Variants in EPHB2 observed in about 807,000 individuals in gnomAD.
EPHB2 encodes the protein ephrin type-B receptor 2.
EPHB2 carries 18 observed loss-of-function variants against 96.4 expected under a neutral mutation model. That is an observed-to-expected ratio of 0.19 (90% CI 0.13 to 0.28). The LOEUF (loss-of-function observed/expected upper bound fraction) is 0.28, where lower values mean the gene tolerates loss of function less well. Ranked by LOEUF, EPHB2 falls within the 10% of genes least tolerant of loss-of-function variation. EPHB2 has a pLI of 1.00. For missense variants in EPHB2, 989 were observed against 1,355.4 expected, an observed-to-expected ratio of 0.73 and a Z score of 4.25; for synonymous variants, 506 against 534.1, an observed-to-expected ratio of 0.95 and a Z score of 0.72.
chr1:22,749,718 G>A (rs1425349703), intron 1 of EPHB2, among the ~76,000 whole-genome samples: 1 of 152,144 alleles, frequency 6.6e-6, no homozygotes, highest in Non-Finnish European at 1.5e-5. Flanking sequence ...GTCTACCGGA[G>A]CCATTCATTC....
Position 22,910,543 on chromosome 1 carries a change from C to A in EPHB2, c.2664C>A (p.Asn888Lys). 1 of 1,614,214 alleles carries A rather than the reference C, an allele frequency of 6.2e-7. No homozygotes were observed. The highest frequency in any genetic ancestry group is 1.1e-5 in the South Asian group (1 of 91,086). The change falls in exon 14 of 16, where the codon AAC (asparagine) becomes AAA (lysine). Residue 888 changes from asparagine to lysine, a missense_variant. Coordinates refer to ENST00000374630, the MANE Select transcript of EPHB2 (RefSeq NM_017449.5). ...TAGACAAGATGATCCGCAATCCCAA[C>A]AGCCTCAAAGCCATGGCGCCCCTCT... The part of the protein sequence containing the change: ...NTLDKMIRNP[N>K]SLKAMAPLSS...
intron 1 of EPHB2, among the ~76,000 whole-genome samples, chr1:22,754,664 G>A (rs142806902): frequency 1.9e-3 from 294 of 151,026 alleles, no homozygotes; most frequent in Non-Finnish European, 3.4e-3. Context: ...ACTGCCACCC[G>A]CCCTCTCTTG....
chr1:22,734,730 A>G (rs1319362869), intron 1 of EPHB2, among the ~76,000 whole-genome samples: 1 of 152,118 alleles, frequency 6.6e-6, no homozygotes, highest in Non-Finnish European at 1.5e-5. Context: ...CCTGAATGTC[A>G]GTATTATTTT....
At chr1:22,838,085 A>G (rs1315939839) in intron 3 of EPHB2, among the ~76,000 whole-genome samples, 5 of 152,182 alleles carry the variant, frequency 3.3e-5, no homozygotes, top group African/African-American at 1.2e-4. Flanking sequence ...CTAGTTAGTA[A>G]GGGGCAGATA....
In EPHB2 at chr1:22,781,380, G is replaced by A. The variant is rs1458101630; in HGVS notation, c.62-41G>A. 1.9e-6 allele frequency: 3 copies of A among 1,596,482 alleles called. No homozygotes were observed. In the Admixed American group the frequency reaches 5.0e-5, roughly 27 times the overall value. On this transcript the variant is annotated intron_variant, in intron 1 of 15. Transcript: ENST00000374630. ...CCCAACAGAAAGATTGACAGCGCCTGGTAGGTGGGGCGGGGTGGTGACTCT... is the reference window on the plus strand; with the variant it reads ...CCCAACAGAAAGATTGACAGCGCCTAGTAGGTGGGGCGGGGTGGTGACTCT...
intron 3 of EPHB2, among the ~76,000 whole-genome samples, chr1:22,857,919 C>CT (rs1281359379): frequency 1.3e-5 from 2 of 152,148 alleles, no homozygotes; most frequent in Admixed American, 1.3e-4. Context: ...TTTCCAGGTA[C>CT]TTTCAGTGCA....
chr1:22,802,605 A>T (rs887529555), intron 3 of EPHB2, among the ~76,000 whole-genome samples: 2 of 152,054 alleles, frequency 1.3e-5, no homozygotes, highest in African/African-American at 4.8e-5. Context: ...GCTCGAGGAC[A>T]CAAGGGTAGT....
intron 3 of EPHB2, among the ~76,000 whole-genome samples, chr1:22,829,289 C>T (rs957406650): frequency 6.6e-6 from 1 of 152,246 alleles, no homozygotes; most frequent in South Asian, 2.1e-4. Context: ...GGCCCCTCCC[C>T]ACCCCTAGCA....
intron 5 of EPHB2, among the ~76,000 whole-genome samples, chr1:22,876,724 C>T (rs1031843001): frequency 2.0e-5 from 3 of 152,284 alleles, no homozygotes; most frequent in South Asian, 2.1e-4. Flanking sequence ...CCAGGGTGGG[C>T]GGTGGGCAGC....
chr1:22,810,196 G>A (rs1397717066), intron 3 of EPHB2, among the ~76,000 whole-genome samples: 1 of 152,184 alleles, frequency 6.6e-6, no homozygotes, highest in Admixed American at 6.5e-5. Context: ...CACCAGCCAA[G>A]AAGAGACACA....
At position 22,745,818 on chromosome 1, in the gene EPHB2, G is replaced by A. The variant is rs576007749; in HGVS notation, c.61+34775G>A. On this transcript the variant is annotated intron_variant, in intron 1 of 15. Transcript: ENST00000374630. ...CCTTGGATGATCGGCAGCTGTGAGC[G>A]CAGCGGGGCCTGGCGTCTGCCCACA... Among the ~76,000 whole-genome samples, 230 of 152,254 alleles carry A rather than the reference G, an allele frequency of 1.5e-3. 1 individual carries two copies. Among genetic ancestry groups the A allele is most frequent in the African/African-American group, 5.1e-3 (212 of 41,542 alleles).
At chr1:22,805,748 T>C (rs1295698398) in intron 3 of EPHB2, among the ~76,000 whole-genome samples, 2 of 150,764 alleles carry the variant, frequency 1.3e-5, no homozygotes, top group African/African-American at 4.9e-5. Flanking sequence ...GAGAGAGAGA[T>C]TGGGAGGGAG....
intron 9 of EPHB2, among the ~76,000 whole-genome samples, chr1:22,905,557 TG>T (rs1246051074): frequency 1.3e-5 from 2 of 152,204 alleles, no homozygotes; most frequent in East Asian, 3.8e-4. Flanking sequence ...TATTGCCTGC[TG>T]TTTCTGTATT....
chr1:22,829,593 G>C (rs1347452465), intron 3 of EPHB2, among the ~76,000 whole-genome samples: 1 of 152,204 alleles, frequency 6.6e-6, no homozygotes, highest in African/African-American at 2.4e-5. Context: ...TCTGTCAGTT[G>C]TCATTTTCAG....
intron 1 of EPHB2, among the ~76,000 whole-genome samples, chr1:22,753,069 C>CT (rs1644089521): frequency 6.7e-6 from 1 of 150,250 alleles, no homozygotes; most frequent in South Asian, 2.1e-4. Context: ...GCATGAACCA[C>CT]TACACCTGGC....
chr1:22,737,818 G>A (rs1643863126), intron 1 of EPHB2, among the ~76,000 whole-genome samples: 1 of 152,178 alleles, frequency 6.6e-6, no homozygotes, highest in South Asian at 2.1e-4. Flanking sequence ...GTCTGCCCAT[G>A]AAAATAACTT....
chr1:22,785,482 C>T (rs2148426337), intron 3 of EPHB2, among the ~76,000 whole-genome samples: 1 of 152,322 alleles, frequency 6.6e-6, no homozygotes, highest in African/African-American at 2.4e-5. Context: ...TTTACTCTGT[C>T]AGTATAGACC....
intron 1 of EPHB2, among the ~76,000 whole-genome samples, chr1:22,730,777 C>A (rs1437598767): frequency 6.6e-6 from 1 of 152,080 alleles, no homozygotes; most frequent in Non-Finnish European, 1.5e-5. Context: ...CCAGCCATGG[C>A]AGGACTTTGG....
intron 3 of EPHB2, among the ~76,000 whole-genome samples, chr1:22,826,757 A>G (rs1425624870): frequency 1.3e-5 from 2 of 151,944 alleles, no homozygotes; most frequent in Non-Finnish European, 2.9e-5. Flanking sequence ...GAATTGAGGC[A>G]GGTTCTTTCT....
Sources: allele counts gnomAD v4.1 joint callset (sites outside exome capture counted in the v4.1 genomes callset), GRCh38; gene constraint gnomAD v4.1.1; transcripts MANE v1.5; gene names NCBI Gene and HGNC (gene_info 2026-07-23, HGNC 2026-07-21).